The following CHST8 variants were observed in gnomAD, a reference collection of about 807,000 sequenced individuals.
CHST8 encodes the protein carbohydrate sulfotransferase 8, also known as GALNAC-4-ST1.
In CHST8, 10 loss-of-function variants were observed where a neutral mutation model predicts 15.0. The observed-to-expected ratio is 0.67, with a 90% CI of 0.41 to 1.13. The LOEUF is 1.13. Ranked by LOEUF, CHST8 falls within the 50% of genes most tolerant of loss-of-function variation. The pLI is 0.00. For missense variants in CHST8, 634 were observed against 608.2 expected (o/e 1.04, Z -0.45); for synonymous variants, 259 against 256.6 (o/e 1.01, Z -0.09).
intron 1 of CHST8, among the ~76,000 whole-genome samples, chr19:33,640,320 G>A (rs183881936): frequency 2.0e-5 from 3 of 152,276 alleles, no homozygotes; most frequent in African/African-American, 4.8e-5. Flanking sequence ...AGAACCTAGC[G>A]TGCAATTCTT....
intron 1 of CHST8, among the ~76,000 whole-genome samples, chr19:33,649,571 G>T (rs991842079): frequency 6.6e-6 from 1 of 152,150 alleles, no homozygotes; most frequent in Non-Finnish European, 1.5e-5. Context: ...ATTCATGAGG[G>T]GGGTCTGGAC....
chr19:33,680,416 G>A (rs1001008219), intron 2 of CHST8, among the ~76,000 whole-genome samples: 2 of 152,160 alleles, frequency 1.3e-5, no homozygotes, highest in Admixed American at 6.5e-5. Flanking sequence ...CTGTGCTGCG[G>A]CTAAATCTGA....
In CHST8 at chr19:33,759,118, C is replaced by A. The variant is rs183318579; in HGVS notation, c.131-12295C>A. ...AGCCATGAAGGATCCCCCCATGAGCCAAACACCCCCCACCAGGACCCACCC... is the reference window on the plus strand; with the variant it reads ...AGCCATGAAGGATCCCCCCATGAGCAAAACACCCCCCACCAGGACCCACCC... On this transcript the variant is annotated intron_variant, in intron 3 of 4. Transcript: ENST00000650847. Among the ~76,000 whole-genome samples, 502 of 152,272 alleles carry A rather than the reference C, an allele frequency of 3.3e-3. 5 individuals carry two copies. Among genetic ancestry groups the A allele is most frequent in the Middle Eastern group, 0.017 (5 of 294 alleles).
At chr19:33,733,560 C>T (rs1974031964) in intron 3 of CHST8, among the ~76,000 whole-genome samples, 1 of 152,148 alleles carries the variant, frequency 6.6e-6, no homozygotes, top group Non-Finnish European at 1.5e-5. Context: ...TACCACAGCC[C>T]ATTACCAAGT....
At chr19:33,636,698 C>T (rs1229244462) in intron 1 of CHST8, among the ~76,000 whole-genome samples, 1 of 152,104 alleles carries the variant, frequency 6.6e-6, no homozygotes, top group Non-Finnish European at 1.5e-5. Flanking sequence ...CTCAGGAGTT[C>T]GAGACGAGCC....
chr19:33,753,442 TCCCACCACCCACCCA>T, intron 3 of CHST8, among the ~76,000 whole-genome samples: 1 of 8,418 alleles, frequency 1.2e-4, no homozygotes, highest in South Asian at 2.8e-3. Flanking sequence ...CCCTCCATCC[TCCCACCACCCACCCA>T]CCATCCTCCC....
At chr19:33,694,709 A>T (rs746695522) in intron 3 of CHST8, among the ~76,000 whole-genome samples, 2 of 152,118 alleles carry the variant, frequency 1.3e-5, no homozygotes, top group Non-Finnish European at 2.9e-5. Context: ...CCTCCCAAGT[A>T]GCTGGGATTA....
At chr19:33,750,169 A>C (rs967892278) in intron 3 of CHST8, among the ~76,000 whole-genome samples, 3 of 152,214 alleles carry the variant, frequency 2.0e-5, no homozygotes, top group African/African-American at 7.2e-5. Context: ...GGGTGGTGAC[A>C]GCATGAGGTC....
intron 3 of CHST8, among the ~76,000 whole-genome samples, chr19:33,729,375 G>T (rs1299194665): frequency 6.6e-6 from 1 of 152,266 alleles, no homozygotes; most frequent in Non-Finnish European, 1.5e-5. Flanking sequence ...TGGCATAGGA[G>T]CTGGCTTCTT....
intron 1 of CHST8, among the ~76,000 whole-genome samples, chr19:33,662,977 C>T (rs1237392071): frequency 1.3e-5 from 2 of 152,082 alleles, no homozygotes; most frequent in Admixed American, 1.3e-4. Context: ...CGTGTAGAGT[C>T]ATGGATCTTA....
At chr19:33,627,707 C>T (rs1184052240) in intron 1 of CHST8, among the ~76,000 whole-genome samples, 1 of 152,204 alleles carries the variant, frequency 6.6e-6, no homozygotes, top group Non-Finnish European at 1.5e-5. Flanking sequence ...AACGTTGAAA[C>T]CTGGAGCCAA....
chr19:33,709,992 A>C (rs57612715), intron 3 of CHST8, among the ~76,000 whole-genome samples: 4,364 of 152,208 alleles, frequency 0.029, 148 homozygotes, highest in African/African-American at 0.08. Context: ...TAAAATTTTA[A>C]ATTTCTAGCT....
At chr19:33,718,178 A>C (rs925005676) in intron 3 of CHST8, among the ~76,000 whole-genome samples, 2 of 151,500 alleles carry the variant, frequency 1.3e-5, no homozygotes, top group Non-Finnish European at 2.9e-5. Context: ...CCAGGGGTGC[A>C]GTAGGGGATA....
intron 1 of CHST8, among the ~76,000 whole-genome samples, chr19:33,658,350 A>G (rs956462723): frequency 6.6e-6 from 1 of 152,210 alleles, no homozygotes; most frequent in African/African-American, 2.4e-5. Flanking sequence ...AAAAAAACCC[A>G]TATTTACAGT....
At chr19:33,650,645 C>T (rs1334936748) in intron 1 of CHST8, among the ~76,000 whole-genome samples, 1 of 149,570 alleles carries the variant, frequency 6.7e-6, no homozygotes, top group Non-Finnish European at 1.5e-5. Flanking sequence ...CATTCTCGTG[C>T]CTCAGCCTCC....
rs1282458722 is a variant in CHST8 at position 33,715,861 on chromosome 19, T to A, written c.130+26470T>A. ...TAGCTTCTCCAGGCAGGTACATGAGTTCCTGGCCCTCTCTCCAGGTCAAAC... is the reference window on the plus strand; with the variant it reads ...TAGCTTCTCCAGGCAGGTACATGAGATCCTGGCCCTCTCTCCAGGTCAAAC... On this transcript the variant is annotated intron_variant, in intron 3 of 4. Transcript: ENST00000650847. Among the ~76,000 whole-genome samples the A allele has an allele frequency of 2.0e-5, 3 of 152,080 alleles. No individual in the cohort carries two copies. The East Asian group carries it at 5.8e-4, about 29-fold the overall frequency.
chr19:33,695,374 A>G (rs1022608416), intron 3 of CHST8, among the ~76,000 whole-genome samples: 1 of 152,202 alleles, frequency 6.6e-6, no homozygotes, highest in Non-Finnish European at 1.5e-5. Context: ...TGAGCCAGGC[A>G]CAATCACAAG....
At chr19:33,675,154 G>C (rs1329943416) in intron 2 of CHST8, among the ~76,000 whole-genome samples, 1 of 152,174 alleles carries the variant, frequency 6.6e-6, no homozygotes, top group Non-Finnish European at 1.5e-5. Context: ...ACTGAGCTGG[G>C]AGGAGCTGAC....
chr19:33,767,125 G>A (rs1974864791), intron 3 of CHST8, among the ~76,000 whole-genome samples: 1 of 152,248 alleles, frequency 6.6e-6, no homozygotes, highest in South Asian at 2.1e-4. Flanking sequence ...AGCAGCCAAT[G>A]CAGCCGTCAT....
Sources: gnomAD v4.1 joint callset for allele counts (sites outside exome capture counted in the v4.1 genomes callset) on GRCh38, gnomAD v4.1.1 for gene constraint, MANE v1.5 for transcripts, NCBI Gene and HGNC (gene_info 2026-07-23, HGNC 2026-07-21) for gene names.